ALCAM: variants seen among roughly 807,000 people sequenced by gnomAD.
The protein encoded by ALCAM is activated leukocyte cell adhesion molecule.
Under a neutral mutation model 70.9 loss-of-function variants are expected in ALCAM, and 30 were observed. The ratio of observed to expected loss-of-function variants is 0.42; its 90% CI spans 0.32 to 0.57. The LOEUF (loss-of-function observed/expected upper bound fraction) is 0.57, where lower values mean the gene tolerates loss of function less well. Among genes scored for constraint, ALCAM ranks in the 20% least tolerant of loss-of-function variants. The pLI, the probability that ALCAM is intolerant of heterozygous loss-of-function variation, is 0.11. For missense variants in ALCAM, 591 were observed against 695.1 expected (o/e 0.85, Z 1.68); for synonymous variants, 249 against 242.5 (o/e 1.03, Z -0.25).
At chr3:105,417,038 A>G (rs946741568) in intron 1 of ALCAM, among the ~76,000 whole-genome samples, 7 of 151,864 alleles carry the variant, frequency 4.6e-5, no homozygotes, top group African/African-American at 1.2e-4. Flanking sequence ...TCCTTTGCCT[A>G]ATTCCCCTGT....
intron 1 of ALCAM, among the ~76,000 whole-genome samples, chr3:105,385,890 G>A (rs1397381595): frequency 6.6e-6 from 1 of 151,720 alleles, no homozygotes; most frequent in African/African-American, 2.4e-5. Flanking sequence ...TTTCAACAGA[G>A]TGCATTTGAA....
chr3:105,420,016 T>TTA (rs1349550223), intron 1 of ALCAM, among the ~76,000 whole-genome samples: 2 of 151,740 alleles, frequency 1.3e-5, no homozygotes, highest in Non-Finnish European at 2.9e-5. Flanking sequence ...TAAAGACTTT[T>TTA]TATATATACA....
intron 1 of ALCAM, among the ~76,000 whole-genome samples, chr3:105,440,374 G>A (rs537318612): frequency 7.9e-5 from 12 of 152,176 alleles, no homozygotes; most frequent in South Asian, 4.1e-4. Context: ...TCTACTGCCC[G>A]TCTTAGAATA....
intron 14 of ALCAM, among the ~76,000 whole-genome samples, chr3:105,565,457 C>CATAT (rs1940723477): frequency 1.3e-5 from 2 of 152,128 alleles, no homozygotes; most frequent in Non-Finnish European, 2.9e-5. Flanking sequence ...ATCTGTGTTT[C>CATAT]TCAGTCCTAA....
chr3:105,524,735 G>C (rs111859662), intron 3 of ALCAM: 72 of 1,281,134 alleles, frequency 5.6e-5, no homozygotes, highest in Middle Eastern at 3.0e-4. Context: ...AATATTCTCT[G>C]TTACTTTGTC....
At position 105,423,560 on chromosome 3, in the gene ALCAM, TCTGC is replaced by T. The variant is rs569317445; in HGVS notation, c.73+56082_73+56085del. ...TTCCTGAAATTCTGTTCAATGTGTT[TCTGC>T]CTAATTCTCCTCCAGGACTCTGTTT... On this transcript the variant is annotated intron_variant, in intron 1 of 15. Coordinates refer to ENST00000306107, the MANE Select transcript of ALCAM (RefSeq NM_001627.4). Among the ~76,000 whole-genome samples the T allele has an allele frequency of 5.3e-5, 8 of 151,500 alleles. No homozygotes were observed. In the South Asian group the frequency reaches 1.5e-3, roughly 28 times the overall value.
In ALCAM at chr3:105,367,122, C is replaced by T; in HGVS notation, c.-287C>T. ...ACCGCTTACACCTTTCCGAATTACTCAAGTGTCTCCTGGAAACAGAGGGTC... is the reference window on the plus strand; with the variant it reads ...ACCGCTTACACCTTTCCGAATTACTTAAGTGTCTCCTGGAAACAGAGGGTC... On this transcript the variant is annotated 5_prime_UTR_variant, in exon 1 of 16. Coordinates refer to ENST00000306107, the MANE Select transcript of ALCAM (RefSeq NM_001627.4). The T allele has an allele frequency of 2.2e-6, 1 of 446,266 alleles. No homozygotes were observed. The highest frequency in any genetic ancestry group is 4.3e-5 in the East Asian group (1 of 23,236). 27.6% of individuals were successfully genotyped at this position (446,266 alleles called of 1,614,324 possible).
At chr3:105,407,961 G>A (rs1050091494) in intron 1 of ALCAM, among the ~76,000 whole-genome samples, 1 of 151,912 alleles carries the variant, frequency 6.6e-6, no homozygotes, top group African/African-American at 2.4e-5. Flanking sequence ...ATTTACAATA[G>A]CTGCAAAAAA....
intron 1 of ALCAM, among the ~76,000 whole-genome samples, chr3:105,503,955 C>T (rs1398587747): frequency 1.3e-5 from 2 of 152,210 alleles, no homozygotes; most frequent in African/African-American, 4.8e-5. Flanking sequence ...CTCCTCTGCT[C>T]CTGCAACATT....
chr3:105,532,733 A>G (rs1416170322), intron 4 of ALCAM, among the ~76,000 whole-genome samples: 1 of 152,206 alleles, frequency 6.6e-6, no homozygotes, highest in Admixed American at 6.5e-5. Flanking sequence ...GGAAACAGCA[A>G]ATTTTGGCAT....
At chr3:105,549,037 TTAAAG>T (rs1940321796) in intron 11 of ALCAM, among the ~76,000 whole-genome samples, 1 of 151,352 alleles carries the variant, frequency 6.6e-6, no homozygotes, top group Non-Finnish European at 1.5e-5. Flanking sequence ...TTTGTAGAGT[TTAAAG>T]TAACAAAAAC....
At chr3:105,531,163 A>G (rs1169942919) in intron 3 of ALCAM, 1 of 152,118 alleles carries the variant, frequency 6.6e-6, no homozygotes, top group Non-Finnish European at 1.5e-5. Flanking sequence ...AAAATCCATC[A>G]TTGATAGAAA....
At chr3:105,435,273 A>G (rs1937025360) in intron 1 of ALCAM, among the ~76,000 whole-genome samples, 2 of 152,248 alleles carry the variant, frequency 1.3e-5, no homozygotes, top group Non-Finnish European at 2.9e-5. Context: ...TGAAGCAACC[A>G]GTGACAAGTC....
chr3:105,556,074 T>G (rs1216966777), intron 14 of ALCAM, among the ~76,000 whole-genome samples: 1 of 152,020 alleles, frequency 6.6e-6, no homozygotes, highest in Non-Finnish European at 1.5e-5. Flanking sequence ...TTCTACTATG[T>G]TTTCCATTTC....
chr3:105,460,397 T>G lies in ALCAM; in HGVS notation c.74-59670T>G, dbSNP rs1937587238. On this transcript the variant is annotated intron_variant, in intron 1 of 15. Coordinates refer to ENST00000306107, the MANE Select transcript of ALCAM (RefSeq NM_001627.4). ...GAGGGCTGCATGCCAGACTTGATGGTGCCAAAACATTTCACCAATTGTCTC... is the reference window on the plus strand; with the variant it reads ...GAGGGCTGCATGCCAGACTTGATGGGGCCAAAACATTTCACCAATTGTCTC... 1.3e-5 allele frequency among the ~76,000 whole-genome samples: 2 copies of G among 152,038 alleles called. 1 individual carries two copies. Among genetic ancestry groups the G allele is most frequent in the South Asian group, 4.1e-4 (2 of 4,832 alleles).
At chr3:105,547,347 T>C in intron 10 of ALCAM, 43 bp from the exon 11 acceptor site, 1 of 1,579,852 alleles carries the variant, frequency 6.3e-7, no homozygotes, top group Non-Finnish European at 8.6e-7. Context: ...TGGTTTCTTT[T>C]ATGATCTCAG....
intron 1 of ALCAM, among the ~76,000 whole-genome samples, chr3:105,494,383 TAAC>T (rs2152612748): frequency 6.6e-6 from 1 of 152,284 alleles, no homozygotes; most frequent in East Asian, 1.9e-4. Context: ...TTGTAGAATA[TAAC>T]AATGAATCTT....
intron 1 of ALCAM, among the ~76,000 whole-genome samples, chr3:105,388,890 GT>G (rs1935725367): frequency 1.3e-5 from 2 of 151,658 alleles, no homozygotes; most frequent in African/African-American, 4.8e-5. Flanking sequence ...GAATGAGTAT[GT>G]TAAGGCTTTC....
At chr3:105,542,304 T>G (rs766934398) in intron 8 of ALCAM, among the ~76,000 whole-genome samples, 1 of 151,862 alleles carries the variant, frequency 6.6e-6, no homozygotes, top group East Asian at 1.9e-4. Context: ...TGAAAATCAC[T>G]GTGGACATAA....
Sources: gnomAD v4.1 joint callset for allele counts (sites outside exome capture counted in the v4.1 genomes callset) on GRCh38, gnomAD v4.1.1 for gene constraint, MANE v1.5 for transcripts, NCBI Gene and HGNC (gene_info 2026-07-23, HGNC 2026-07-21) for gene names.